The following RC3H1 variants were observed in gnomAD, a reference collection of about 807,000 sequenced individuals.
RC3H1 encodes roquin-1.
In RC3H1, 50 loss-of-function variants were observed where a neutral mutation model predicts 138.2. The ratio of observed to expected loss-of-function variants is 0.36; its 90% CI spans 0.29 to 0.46. The LOEUF (loss-of-function observed/expected upper bound fraction) is 0.46, where lower values mean the gene tolerates loss of function less well. Ranked by LOEUF, RC3H1 falls within the 20% of genes least tolerant of loss-of-function variation. The pLI is 1.00. For synonymous variants in RC3H1, 462 were observed against 489.1 expected, an observed-to-expected ratio of 0.94 and a Z score of 0.73; for missense variants, 1,031 against 1,388.1, an observed-to-expected ratio of 0.74 and a Z score of 4.09.
intron 2 of RC3H1, among the ~76,000 whole-genome samples, chr1:173,987,983 C>T (rs551809382): frequency 2.0e-5 from 3 of 152,258 alleles, no homozygotes; most frequent in African/African-American, 2.4e-5. Flanking sequence ...AGAATTAATT[C>T]GTACCCCCAT....
intron 1 of RC3H1, among the ~76,000 whole-genome samples, chr1:174,015,444 C>T (rs1040364561): frequency 6.6e-6 from 1 of 151,540 alleles, no homozygotes; most frequent in Admixed American, 6.6e-5. Flanking sequence ...CTCACTGCAA[C>T]CTCCTCCGCC....
At chr1:173,996,108 G>A (rs1382746263) in intron 1 of RC3H1, among the ~76,000 whole-genome samples, 1 of 152,038 alleles carries the variant, frequency 6.6e-6, no homozygotes, top group Non-Finnish European at 1.5e-5. Flanking sequence ...ACAAAAATTA[G>A]CCAGGTGTGG....
intron 9 of RC3H1, among the ~76,000 whole-genome samples, chr1:173,969,070 G>T (rs1247000436): frequency 6.6e-6 from 1 of 151,672 alleles, no homozygotes; most frequent in Non-Finnish European, 1.5e-5. Context: ...TGTTGGCCAG[G>T]ATGGTCTCAA....
chr1:173,947,638 A>G (rs1659191357), intron 14 of RC3H1, 56 bp from the exon 15 acceptor site: 3 of 1,336,770 alleles, frequency 2.2e-6, no homozygotes, highest in African/African-American at 1.4e-5. Flanking sequence ...CTGTAACCTA[A>G]TTTTTTCTAG....
chr1:174,011,970 G>C lies in RC3H1; in HGVS notation c.-151+10126C>G, dbSNP rs1661776731. Among the ~76,000 whole-genome samples the C allele has an allele frequency of 7.9e-5, 12 of 152,248 alleles. 1 individual carries two copies. In the South Asian group the frequency reaches 2.5e-3, roughly 32 times the overall value. On this transcript the variant is annotated intron_variant, in intron 1 of 19. Coordinates refer to ENST00000367696, the MANE Select transcript of RC3H1 (RefSeq NM_172071.4). ...GCTCATGACTAATCCCAGCAGTTTGGGAGACTGAGGCAGATAGATAGCTTG... is the reference window on the plus strand; with the variant it reads ...GCTCATGACTAATCCCAGCAGTTTGCGAGACTGAGGCAGATAGATAGCTTG...
In RC3H1 at chr1:173,931,193, C is replaced by G. The variant is rs947795818; in HGVS notation, c.*7528G>C. 6 of 152,178 alleles carry G rather than the reference C, an allele frequency of 3.9e-5. No homozygotes were observed. Among genetic ancestry groups the G allele is most frequent in the Non-Finnish European group, 8.8e-5 (6 of 68,028 alleles). 9.4% of individuals were successfully genotyped at this position (152,178 alleles called of 1,614,324 possible). ...CAAGATTAGAATAAGATGGCACACA[C>G]TCATTTACAAAATACACACGTTCCT... On this transcript the variant is annotated 3_prime_UTR_variant, in exon 20 of 20. Transcript: ENST00000367696.
intron 13 of RC3H1, among the ~76,000 whole-genome samples, chr1:173,960,233 T>C (rs988618239): frequency 1.3e-5 from 2 of 151,172 alleles, no homozygotes; most frequent in Admixed American, 6.6e-5. Flanking sequence ...GAGGCTGCAG[T>C]GAACCAAAAA....
intron 1 of RC3H1, among the ~76,000 whole-genome samples, chr1:173,998,175 T>A (rs1287705861): frequency 1.3e-5 from 2 of 152,142 alleles, no homozygotes; most frequent in East Asian, 3.8e-4. Flanking sequence ...CTGTAAATAA[T>A]TCTACTAATC....
rs1658507017 is a variant in RC3H1 at position 173,934,634 on chromosome 1, C to T, written c.*4087G>A. On this transcript the variant is annotated 3_prime_UTR_variant, in exon 20 of 20. Transcript: ENST00000367696. ...CTTAACCAGACCTTTGTTTGCCTAC[C>T]AGTAGGGCAAATACCACATTTGTGC... 1 of 152,076 alleles carries T rather than the reference C, an allele frequency of 6.6e-6. No homozygotes were observed. The highest frequency in any genetic ancestry group is 2.4e-5 in the African/African-American group (1 of 41,408). 9.4% of individuals were successfully genotyped at this position (152,076 alleles called of 1,614,324 possible).
At chr1:174,018,282 T>G (rs550387825) in intron 1 of RC3H1, among the ~76,000 whole-genome samples, 1 of 152,258 alleles carries the variant, frequency 6.6e-6, no homozygotes, top group African/African-American at 2.4e-5. Context: ...GACTTTAAAT[T>G]TGAGGAAAAT....
At chr1:173,952,928 C>T (rs1240978526) in intron 13 of RC3H1, among the ~76,000 whole-genome samples, 1 of 152,100 alleles carries the variant, frequency 6.6e-6, no homozygotes, top group East Asian at 1.9e-4. Flanking sequence ...AGTGCTAGGA[C>T]TATAACTTTA....
chr1:173,976,637 G>A (rs1007478023), intron 7 of RC3H1, among the ~76,000 whole-genome samples: 1 of 152,086 alleles, frequency 6.6e-6, no homozygotes, highest in Non-Finnish European at 1.5e-5. Context: ...TGAAGTGGTA[G>A]GTAGATGAGA....
intron 15 of RC3H1, 33 bp from the exon 16 acceptor site, chr1:173,946,869 A>G (rs1659159968): frequency 7.1e-7 from 1 of 1,398,816 alleles, no homozygotes; most frequent in Non-Finnish European, 1.0e-6. Flanking sequence ...GGTATAATTC[A>G]CAGATTTGAT....
At chr1:173,996,943 G>A (rs1221272762) in intron 1 of RC3H1, among the ~76,000 whole-genome samples, 1 of 151,690 alleles carries the variant, frequency 6.6e-6, no homozygotes, top group Non-Finnish European at 1.5e-5. Flanking sequence ...AAAACTTAAC[G>A]GCACTGCCAG....
chr1:174,007,510 C>G (rs1322559440), intron 1 of RC3H1, among the ~76,000 whole-genome samples: 1 of 152,048 alleles, frequency 6.6e-6, no homozygotes, highest in African/African-American at 2.4e-5. Flanking sequence ...ATCACCGAGG[C>G]TGGAGTGCAG....
At chr1:173,979,647 C>T (rs1366792918) in intron 6 of RC3H1, among the ~76,000 whole-genome samples, 3 of 152,148 alleles carry the variant, frequency 2.0e-5, no homozygotes, top group Non-Finnish European at 4.4e-5. Flanking sequence ...CAGGGTGAGA[C>T]TCTGTCTCAA....
rs774727068 is a variant in RC3H1, at chr1:173,961,906, C to T, written c.2021G>A (p.Arg674Gln). 4.3e-5 allele frequency: 69 copies of T among 1,613,942 alleles called. No individual in the cohort carries two copies. Among genetic ancestry groups the T allele is most frequent in the Non-Finnish European group, 5.3e-5 (63 of 1,180,026 alleles). ...PIYPSHYDGR[R>Q]VYPAPSYTRE... ...TGTGTAAGACGGAGCAGGGTACACT[C>T]GACGGCCATCATAGTGAGATGGGTA... The change falls in exon 12 of 20, where the codon CGA becomes CAA. Residue 674 changes from arginine (R) to glutamine (Q), a missense_variant. Physicochemically the swap from Arg to Gln is conservative, Grantham distance 43. This residue lies in a region of RC3H1 where 716 missense variants were observed against 837.9 expected (regional missense o/e 0.85). Coordinates refer to ENST00000367696, the MANE Select transcript of RC3H1 (RefSeq NM_172071.4).
chr1:173,972,484 T>G (rs1660401210), intron 8 of RC3H1, 25 bp downstream of exon 8: 1 of 1,548,220 alleles, frequency 6.5e-7, no homozygotes, highest in South Asian at 1.1e-5. Context: ...GTGGGTTAAC[T>G]CTAAGTTTTA....
intron 9 of RC3H1, among the ~76,000 whole-genome samples, chr1:173,966,597 C>G (rs2102950145): frequency 6.6e-6 from 1 of 152,102 alleles, no homozygotes; most frequent in East Asian, 1.9e-4. Context: ...CACCTGTAGT[C>G]CCAGCTACTC....
Sources: allele counts gnomAD v4.1 joint callset (sites outside exome capture counted in the v4.1 genomes callset), GRCh38; gene constraint gnomAD v4.1.1; regional missense constraint gnomAD v4.1.1; transcripts MANE v1.5; gene names NCBI Gene and HGNC (gene_info 2026-07-23, HGNC 2026-07-21).